USP48: variants seen among roughly 807,000 people sequenced by gnomAD.
USP48 encodes ubiquitin specific peptidase 48.
A neutral mutation model predicts 150.7 loss-of-function variants in USP48; 43 were observed. The ratio of observed to expected loss-of-function variants is 0.29; its 90% CI spans 0.22 to 0.37. The LOEUF is 0.37. USP48 is among the 10% of genes least tolerant of loss of function. The probability of loss-of-function intolerance (pLI) is 1.00; values close to 1 mark genes in which losing one functional copy is unlikely to be tolerated. For missense variants in USP48, 813 were observed against 1,249.6 expected (o/e 0.65, Z 5.27); for synonymous variants, 396 against 425.9 (o/e 0.93, Z 0.86).
intron 8 of USP48, among the ~76,000 whole-genome samples, chr1:21,745,364 C>T (rs192444215): frequency 1.3e-5 from 2 of 151,576 alleles, no homozygotes; most frequent in East Asian, 3.9e-4. Flanking sequence ...CCAGCACTTT[C>T]GGGAGGCTGA....
Position 21,757,645 on chromosome 1 carries a change from T to TA in USP48, c.255+17dup, listed in dbSNP as rs748342035. The TA allele has an allele frequency of 4.7e-5, 76 of 1,601,486 alleles. No homozygotes were observed. The African/African-American group carries it at 9.4e-4, about 20-fold the overall frequency. On this transcript the variant is annotated intron_variant, in intron 2 of 26. Transcript: ENST00000308271. The stretch of plus-strand genomic sequence containing the variant: ...CAAAAAACAGCATATAGCAATCGCT[T>TA]AAAAAATGATGGTTTACCTTTTTTC...
intron 8 of USP48, among the ~76,000 whole-genome samples, chr1:21,738,844 C>CT (rs1173931317): frequency 1.3e-5 from 2 of 152,236 alleles, no homozygotes; most frequent in East Asian, 3.9e-4. Context: ...AGTTAATTAA[C>CT]TAAAGGAACA....
chr1:21,702,834 G>A (rs371819981), intron 21 of USP48, among the ~76,000 whole-genome samples: 3 of 152,144 alleles, frequency 2.0e-5, no homozygotes, highest in African/African-American at 4.8e-5. Context: ...TAGCCACATC[G>A]AATGCTCCAC....
At chr1:21,706,892 GAA>G (rs112985732) in intron 15 of USP48, 24 bp from the exon 16 acceptor site, 105 of 1,292,852 alleles carry the variant, frequency 8.1e-5, no homozygotes, top group South Asian at 1.4e-4. Flanking sequence ...AATATATTTG[GAA>G]AAAAAAAAAA....
At chr1:21,720,326 G>A (rs949312895) in intron 14 of USP48, among the ~76,000 whole-genome samples, 1 of 152,158 alleles carries the variant, frequency 6.6e-6, no homozygotes, top group Non-Finnish European at 1.5e-5. Context: ...TGATTAACTA[G>A]AGAGAGCTTG....
chr1:21,715,676 T>C (rs2097702174), intron 14 of USP48, among the ~76,000 whole-genome samples: 2 of 152,230 alleles, frequency 1.3e-5, no homozygotes, highest in South Asian at 4.1e-4. Flanking sequence ...TTTAAAGATT[T>C]AGGTTATGCA....
chr1:21,747,659 G>A (rs1476515776), intron 7 of USP48, among the ~76,000 whole-genome samples: 1 of 151,636 alleles, frequency 6.6e-6, no homozygotes, highest in African/African-American at 2.4e-5. Flanking sequence ...TGCAACCTCC[G>A]CCTCCTGGGT....
intron 15 of USP48, among the ~76,000 whole-genome samples, chr1:21,707,946 C>T (rs1023306444): frequency 5.3e-5 from 8 of 152,102 alleles, no homozygotes; most frequent in Admixed American, 6.6e-5. Flanking sequence ...AGGTGGATCA[C>T]TTGTCAGGAG....
rs397711688 is a variant in USP48, at chr1:21,765,625, A to AG, written c.135-7843dup. Among the ~76,000 whole-genome samples the AG allele has an allele frequency of 1.7e-3, 254 of 149,258 alleles. 3 individuals are homozygous for AG. In the East Asian group the frequency reaches 0.022, roughly 13 times the overall value. ...GAGCGAGACTCTGTCAAAAAAAAAA[A>AG]GGGGGGGACAGCCCGAAGCTGAACA... On this transcript the variant is annotated intron_variant, in intron 1 of 26. Coordinates refer to ENST00000308271, the MANE Select transcript of USP48 (RefSeq NM_032236.8).
intron 6 of USP48, among the ~76,000 whole-genome samples, chr1:21,749,178 G>A (rs1341660428): frequency 6.6e-6 from 1 of 151,802 alleles, no homozygotes; most frequent in Non-Finnish European, 1.5e-5. Flanking sequence ...GTACCATATT[G>A]TACTTACCAT....
intron 6 of USP48, among the ~76,000 whole-genome samples, chr1:21,750,119 A>G (rs2097805805): frequency 6.6e-6 from 1 of 152,090 alleles, no homozygotes; most frequent in Non-Finnish European, 1.5e-5. Context: ...ACACAGAGTA[A>G]AAGTCAAACT....
chr1:21,699,010 G>A (rs1180058225), intron 22 of USP48, among the ~76,000 whole-genome samples: 1 of 152,062 alleles, frequency 6.6e-6, no homozygotes, highest in Non-Finnish European at 1.5e-5. Context: ...CCTGAATCGG[G>A]ATGGATATGT....
At chr1:21,680,679 C>A in intron 26 of USP48, 129 bp downstream of exon 26, 1 of 918,102 alleles carries the variant, frequency 1.1e-6, no homozygotes, top group East Asian at 2.8e-5. Flanking sequence ...ATGCATTTAA[C>A]TAAAATTAAT....
At chr1:21,723,670 T>G (rs529103635) in intron 12 of USP48, among the ~76,000 whole-genome samples, 1 of 152,220 alleles carries the variant, frequency 6.6e-6, no homozygotes, top group East Asian at 1.9e-4. Flanking sequence ...TGAGAGGGGT[T>G]AAAAGAAACA....
At chr1:21,741,549 G>T (rs540168871) in intron 8 of USP48, among the ~76,000 whole-genome samples, 157 of 152,276 alleles carry the variant, frequency 1.0e-3, no homozygotes, top group African/African-American at 3.5e-3. Context: ...TAATTCAATA[G>T]TTTAAAACTC....
chr1:21,697,093 C>T (rs1292157964), intron 22 of USP48, among the ~76,000 whole-genome samples: 2 of 152,070 alleles, frequency 1.3e-5, no homozygotes, highest in South Asian at 2.1e-4. Flanking sequence ...AGTGGTTTAA[C>T]GGTCATTATA....
chr1:21,742,046 T>A (rs1161564116), intron 8 of USP48, among the ~76,000 whole-genome samples: 1 of 152,094 alleles, frequency 6.6e-6, no homozygotes, highest in Non-Finnish European at 1.5e-5. Context: ...TCTAGAGAGT[T>A]AAGAATACAT....
At chr1:21,739,578 A>G (rs1475450393) in intron 8 of USP48, among the ~76,000 whole-genome samples, 2 of 151,982 alleles carry the variant, frequency 1.3e-5, no homozygotes, top group Non-Finnish European at 2.9e-5. Context: ...TTATGGGTAC[A>G]ATATGATGTT....
At position 21,690,078 on chromosome 1, in the gene USP48, C is replaced by G. The variant is rs2097593004; in HGVS notation, c.2905G>C (p.Ala969Pro). The G allele has an allele frequency of 1.2e-6, 2 of 1,612,796 alleles. No individual in the cohort carries two copies. The highest frequency in any genetic ancestry group is 2.7e-5 in the African/African-American group (2 of 74,570). The change falls in exon 24 of 27, where the codon GCT (alanine) becomes CCT (proline). Residue 969 changes from alanine to proline, a missense_variant. Ala to Pro is a conservative substitution (Grantham distance 27). Coordinates refer to ENST00000308271, the MANE Select transcript of USP48 (RefSeq NM_032236.8). The part of the protein sequence containing the change: ...KIQIMHAFSV[A>P]PFDQNLSIDG... ...ATTGACAAATTCTGGTCAAAAGGAGCAACTGAAAATGCATGCATGATCTGT... is the reference window on the plus strand; with the variant it reads ...ATTGACAAATTCTGGTCAAAAGGAGGAACTGAAAATGCATGCATGATCTGT...
Sources: allele counts gnomAD v4.1 joint callset (sites outside exome capture counted in the v4.1 genomes callset), GRCh38; gene constraint gnomAD v4.1.1; transcripts MANE v1.5; gene names NCBI Gene and HGNC (gene_info 2026-07-23, HGNC 2026-07-21).